MPP1: variants seen among roughly 807,000 people sequenced by gnomAD.
The protein encoded by MPP1 is MAGUK p55 scaffold protein 1, also known as 55 kDa erythrocyte membrane protein.
Under a neutral mutation model 38.2 loss-of-function variants are expected in MPP1, and 6 were observed. The ratio of observed to expected loss-of-function variants is 0.16; its 90% CI spans 0.09 to 0.31. The LOEUF (loss-of-function observed/expected upper bound fraction) is 0.31, where lower values mean the gene tolerates loss of function less well. MPP1 is among the 10% of genes least tolerant of loss of function. The pLI is 1.00. For synonymous variants in MPP1, 153 were observed against 146.3 expected, an observed-to-expected ratio of 1.05 and a Z score of -0.33; for missense variants, 293 against 368.9, an observed-to-expected ratio of 0.79 and a Z score of 1.69.
chrX:154,789,023 TTGAGGAAACACGCATGG>T (rs1157046242), intron 5 of MPP1, among the ~76,000 whole-genome samples: 1 of 111,817 alleles, frequency 8.9e-6, no homozygotes, highest in African/African-American at 3.3e-5. Flanking sequence ...ATGGTGGGCC[TTGAGGAAACACGCATGG>T]TGAGGGGGCG....
At chrX:154,805,148 TC>T in intron 1 of MPP1, 123 bp downstream of exon 1, 2 of 694,690 alleles carry the variant, frequency 2.9e-6, no homozygotes, top group Non-Finnish European at 4.3e-6. Flanking sequence ...TATCGCGGTC[TC>T]CGACCTATGG....
intron 1 of MPP1, among the ~76,000 whole-genome samples, chrX:154,800,367 C>T (rs781968925): frequency 1.8e-5 from 2 of 112,155 alleles, no homozygotes; most frequent in African/African-American, 6.5e-5. Flanking sequence ...TGCTTTGCTT[C>T]TCAGGTACTA....
rs782596654 is a variant in MPP1, at chrX:154,792,285, C to T, written c.103G>A (p.Ala35Thr). The change falls in exon 2 of 12, where the codon GCT (alanine) becomes ACT (threonine). Residue 35 changes from alanine to threonine, a missense_variant and splice_region_variant. Coordinates refer to ENST00000369534, the MANE Select transcript of MPP1 (RefSeq NM_002436.4). Reference sequence around the variant, plus strand: ...ACAGTATTCAATGGATGCGATACAGCCTGCCAAGCCAAAACAACAAAGCAA... The same window carrying T: ...ACAGTATTCAATGGATGCGATACAGTCTGCCAAGCCAAAACAACAAAGCAA... Reference protein sequence around the residue: ...HLLQKRSRPEAVSHPLNTVTE... With the variant: ...HLLQKRSRPETVSHPLNTVTE... 8.4e-7 allele frequency: 1 copy of T among 1,195,171 alleles called. No individual in the cohort carries two copies. The highest frequency in any genetic ancestry group is 1.7e-5 in the African/African-American group (1 of 57,178).
At position 154,786,386 on chromosome X, in the gene MPP1, C is replaced by T. The variant is rs1421804885; in HGVS notation, c.495G>A (p.Ala165=). The change falls in exon 6 of 12, where the codon GCG becomes GCA. Residue 165 remains alanine, a synonymous_variant. Transcript: ENST00000369534. ...RLPALQMFMR[A]QFDYDPKKDN... is the part of the protein sequence containing the mutation. ...CCTTTTTGGGATCATAGTCAAACTG[C>T]GCTCTCATGAACATCTAAAAAGAAG... 5 of 1,209,859 alleles carry T rather than the reference C, an allele frequency of 4.1e-6. No individual in the cohort carries two copies. The highest frequency in any genetic ancestry group is 1.8e-5 in the South Asian group (1 of 56,736).
intron 1 of MPP1, among the ~76,000 whole-genome samples, chrX:154,797,144 C>A (rs903417845): frequency 8.9e-6 from 1 of 112,084 alleles, no homozygotes; most frequent in East Asian, 2.8e-4. Context: ...CAGGGGACTC[C>A]AACTTCTTTT....
intron 1 of MPP1, among the ~76,000 whole-genome samples, chrX:154,801,996 C>T (rs1236873481): frequency 3.6e-5 from 4 of 110,919 alleles, no homozygotes; most frequent in Non-Finnish European, 7.6e-5. Context: ...AAGTCTGCAG[C>T]GAAAGTTCTT....
intron 3 of MPP1, 165 bp from the exon 4 acceptor site, chrX:154,791,233 T>C: frequency 2.1e-6 from 1 of 471,872 alleles, no homozygotes; most frequent in Non-Finnish European, 3.6e-6. Context: ...CAGTTTAAGA[T>C]GGTCTCATCC....
chrX:154,802,344 C>T (rs1295173256), intron 1 of MPP1, among the ~76,000 whole-genome samples: 1 of 112,119 alleles, frequency 8.9e-6, no homozygotes, highest in Admixed American at 9.4e-5. Context: ...AACAACACTG[C>T]GTCACACTCA....
chrX:154,790,913 A>T (rs2072135319), intron 4 of MPP1, 70 bp downstream of exon 4: 1 of 964,166 alleles, frequency 1.0e-6, no homozygotes, highest in African/African-American at 1.9e-5. Context: ...AGATGAGGTC[A>T]CTGATACCAA....
chrX:154,793,126 G>A (rs1258370377), intron 1 of MPP1, among the ~76,000 whole-genome samples: 2 of 111,718 alleles, frequency 1.8e-5, no homozygotes, highest in East Asian at 2.8e-4. Context: ...AAAAGGTCCC[G>A]AGTATAAAAT....
chrX:154,795,675 G>C (rs2072187029), intron 1 of MPP1, among the ~76,000 whole-genome samples: 1 of 111,607 alleles, frequency 9.0e-6, no homozygotes, highest in South Asian at 3.7e-4. Flanking sequence ...TGAGGCAGAA[G>C]GATTGCTTGA....
intron 3 of MPP1, among the ~76,000 whole-genome samples, chrX:154,791,405 A>G (rs1198849926): frequency 1.8e-5 from 2 of 112,142 alleles, no homozygotes; most frequent in East Asian, 5.5e-4. Flanking sequence ...AGCAAGCTCC[A>G]TGTTTCTTTG....
In MPP1 at chrX:154,781,902, T is replaced by G. The variant is rs2072010634; in HGVS notation, c.947-100A>C. The stretch of plus-strand genomic sequence containing the variant: ...GTATGGAAACCCTAGCTGCCTTTGG[T>G]GCATTGACTTTAATACAGGGGTTCC... On this transcript the variant is annotated intron_variant, in intron 9 of 11. Coordinates refer to ENST00000369534, the MANE Select transcript of MPP1 (RefSeq NM_002436.4). 3 of 821,470 alleles carry G rather than the reference T, an allele frequency of 3.7e-6. No individual in the cohort carries two copies. In the Admixed American group the frequency reaches 7.6e-5, roughly 21 times the overall value. 67.7% of individuals were successfully genotyped at this position (821,470 alleles called of 1,213,427 possible).
chrX:154,790,605 T>C (rs1029150649), intron 4 of MPP1, among the ~76,000 whole-genome samples: 3 of 110,897 alleles, frequency 2.7e-5, no homozygotes, highest in African/African-American at 9.9e-5. Context: ...AAAAATGAAC[T>C]ATGGCGCATA....
At chrX:154,789,046 G>A (rs1167337144) in intron 5 of MPP1, among the ~76,000 whole-genome samples, 1 of 111,669 alleles carries the variant, frequency 9.0e-6, no homozygotes, top group Non-Finnish European at 1.9e-5. Flanking sequence ...CATGGTGAGG[G>A]GGCGGCGGTC....
intron 11 of MPP1, among the ~76,000 whole-genome samples, 186 bp downstream of exon 11, chrX:154,781,053 T>C (rs1198495586): frequency 8.9e-6 from 1 of 111,843 alleles, no homozygotes; most frequent in Admixed American, 9.5e-5. Context: ...GCATGGGCAC[T>C]GGCCTAGCTA....
chrX:154,793,851 C>T (rs1435560199), intron 1 of MPP1, among the ~76,000 whole-genome samples: 1 of 111,837 alleles, frequency 8.9e-6, no homozygotes, highest in Non-Finnish European at 1.9e-5. Context: ...TTCCCCAGTC[C>T]AGAATCCAAC....
chrX:154,781,344 G>C (rs112609368), intron 10 of MPP1, 31 bp from the exon 11 acceptor site: 11 of 956,057 alleles, frequency 1.2e-5, no homozygotes, highest in African/African-American at 6.1e-5. Context: ...CGGCGGGGAG[G>C]GGGGGGAAGG....
At position 154,781,753 on chromosome X, in the gene MPP1, G is replaced by C; in HGVS notation, c.996C>G (p.His332Gln). The part of the protein sequence containing the change: ...RKSEEDGKEY[H>Q]FISTEEMTRN... ...TCGTCATCTCCTCCGTTGAGATAAAGTGGTACTCCTTCCCATCTTCCTCAC... is the reference window on the plus strand; with the variant it reads ...TCGTCATCTCCTCCGTTGAGATAAACTGGTACTCCTTCCCATCTTCCTCAC... Residue 332 changes from histidine to glutamine, a missense_variant, in exon 10 of 12, where the codon CAC becomes CAG. Physicochemically the swap from His to Gln is conservative, Grantham distance 24. Coordinates refer to ENST00000369534, the MANE Select transcript of MPP1 (RefSeq NM_002436.4). 1 of 1,211,924 alleles carries C rather than the reference G, an allele frequency of 8.3e-7. No homozygotes were observed. The highest frequency in any genetic ancestry group is 1.1e-6 in the Non-Finnish European group (1 of 895,493).
Sources: gnomAD v4.1 joint callset for allele counts (sites outside exome capture counted in the v4.1 genomes callset) on GRCh38, gnomAD v4.1.1 for gene constraint, MANE v1.5 for transcripts, NCBI Gene and HGNC (gene_info 2026-07-23, HGNC 2026-07-21) for gene names.